SYNE1: variants seen among roughly 807,000 people sequenced by gnomAD.
SYNE1 encodes the protein spectrin repeat containing nuclear envelope protein 1.
In SYNE1, 616 loss-of-function variants were observed where a neutral mutation model predicts 1,111.0. The observed-to-expected ratio is 0.55, with a 90% CI of 0.52 to 0.59. The LOEUF (loss-of-function observed/expected upper bound fraction) is 0.59. Among genes scored for constraint, SYNE1 ranks in the 20% least tolerant of loss-of-function variants. SYNE1 has a pLI of 0.00. For synonymous variants in SYNE1, 3,855 were observed against 3,825.8 expected (o/e 1.01, Z -0.28); for missense variants, 10,006 against 10,417.0 (o/e 0.96, Z 1.72).
At chr6:152,365,081 A>T in intron 62 of SYNE1, 62 bp from the exon 63 acceptor site, 1 of 1,589,394 alleles carries the variant, frequency 6.3e-7, no homozygotes. Context: ...GGCTTTAAAT[A>T]TTGCAGAGCT....
intron 3 of SYNE1, among the ~76,000 whole-genome samples, chr6:152,553,825 T>C (rs1311442551): frequency 2.0e-5 from 3 of 152,178 alleles, no homozygotes; most frequent in Admixed American, 1.3e-4. Flanking sequence ...TTTTAGCATG[T>C]GCTCTCAAGA....
At chr6:152,334,847 C>T (rs976980252) in intron 76 of SYNE1, among the ~76,000 whole-genome samples, 25 of 152,136 alleles carry the variant, frequency 1.6e-4, no homozygotes, top group African/African-American at 6.0e-4. Flanking sequence ...CTCATTTTAC[C>T]CAGCCCCTAT....
intron 95 of SYNE1, among the ~76,000 whole-genome samples, chr6:152,292,840 A>G (rs1282061400): frequency 6.6e-6 from 1 of 152,126 alleles, no homozygotes; most frequent in African/African-American, 2.4e-5. Flanking sequence ...TTCCTACCTC[A>G]CGGTGATGAA....
Position 152,387,227 on chromosome 6 carries a change from A to C in SYNE1, c.8332T>G (p.Ser2778Ala). The change falls in exon 54 of 146, where the codon TCC (serine) becomes GCC (alanine). Residue 2778 changes from serine (S) to alanine (A), a missense_variant. Physicochemically the swap from Ser to Ala is moderately conservative, Grantham distance 99. Transcript: ENST00000367255. ...TGATCTTCTGCCTCAGACAGGATGG[A>C]CTGGAGGTGGTCAAGCAGGACGAAC... ...EKFVLLDHLQSILSEAEDHTR... is the reference protein window; with the variant it reads ...EKFVLLDHLQAILSEAEDHTR... 9.9e-6 allele frequency: 16 copies of C among 1,614,122 alleles called. No homozygotes were observed. Among genetic ancestry groups the C allele is most frequent in the Non-Finnish European group, 1.4e-5 (16 of 1,180,010 alleles).
At chr6:152,217,565 A>G (rs1006287771) in intron 121 of SYNE1, among the ~76,000 whole-genome samples, 2 of 152,122 alleles carry the variant, frequency 1.3e-5, no homozygotes, top group Non-Finnish European at 2.9e-5. Flanking sequence ...GACAGCCAGG[A>G]GGAGGGGAGG....
chr6:152,568,205 C>A (rs1418373675), intron 3 of SYNE1, among the ~76,000 whole-genome samples: 1 of 150,152 alleles, frequency 6.7e-6, no homozygotes, highest in South Asian at 2.1e-4. Flanking sequence ...AATACATATC[C>A]AACATATTAT....
chr6:152,570,914 C>T (rs892707911), intron 3 of SYNE1, among the ~76,000 whole-genome samples: 7 of 152,058 alleles, frequency 4.6e-5, no homozygotes, highest in African/African-American at 1.7e-4. Flanking sequence ...CTAAAGGCAG[C>T]CAGATGCGGA....
At chr6:152,383,226 A>G (rs2097457508) in intron 55 of SYNE1, among the ~76,000 whole-genome samples, 1 of 152,188 alleles carries the variant, frequency 6.6e-6, no homozygotes, top group African/African-American at 2.4e-5. Context: ...TTATGGAAGC[A>G]CTTTATAAAG....
intron 127 of SYNE1, among the ~76,000 whole-genome samples, chr6:152,190,537 A>G (rs2071957685): frequency 6.6e-6 from 1 of 152,226 alleles, no homozygotes; most frequent in South Asian, 2.1e-4. Context: ...AGCAAAGTAA[A>G]TATGGTATTC....
In SYNE1 at chr6:152,155,948, C is replaced by G; in HGVS notation, c.23940G>C (p.Trp7980Cys). 1 of 1,614,184 alleles carries G rather than the reference C, an allele frequency of 6.2e-7. No homozygotes were observed. The highest frequency in any genetic ancestry group is 8.5e-7 in the Non-Finnish European group (1 of 1,180,036). ...QQATRNLDRR[W>C]RNICAMSMER... ...CCATGGACATAGCACAAATGTTTCT[C>G]CACCGCCGGTCCAGGTTTCTCGTAG... Residue 7980 changes from tryptophan (W) to cysteine (C), a missense_variant, in exon 132 of 146, where the codon TGG (tryptophan) becomes TGC (cysteine). Physicochemically the swap from Trp to Cys is radical, Grantham distance 215 (BLOSUM62 -2). This residue lies in a region of SYNE1 where 2,182 missense variants were observed against 2,287.8 expected (regional missense o/e 0.95). Transcript: ENST00000367255.
At chr6:152,273,186 A>G in intron 98 of SYNE1, among the ~76,000 whole-genome samples, 1 of 152,244 alleles carries the variant, frequency 6.6e-6, no homozygotes, top group Non-Finnish European at 1.5e-5. Flanking sequence ...CTCAGTTTAA[A>G]GAATTCCCGT....
chr6:152,311,974 C>CG (rs1230302348), intron 87 of SYNE1, among the ~76,000 whole-genome samples: 2 of 152,030 alleles, frequency 1.3e-5, no homozygotes, highest in Non-Finnish European at 2.9e-5. Context: ...TTAGCAGAGA[C>CG]GGGGTTTCAT....
At chr6:152,161,916 G>C (rs1289851656) in intron 131 of SYNE1, among the ~76,000 whole-genome samples, 1 of 152,182 alleles carries the variant, frequency 6.6e-6, no homozygotes, top group African/African-American at 2.4e-5. Flanking sequence ...GCCAAGCTGG[G>C]GAAGCGGGCT....
intron 42 of SYNE1, among the ~76,000 whole-genome samples, chr6:152,413,093 C>T (rs1001630888): frequency 7.2e-5 from 11 of 152,164 alleles, no homozygotes; most frequent in African/African-American, 2.2e-4. Flanking sequence ...TCAGGTGATT[C>T]GCCTGCCTTG....
chr6:152,337,478 A>G (rs1223977538), intron 75 of SYNE1, among the ~76,000 whole-genome samples: 1 of 152,154 alleles, frequency 6.6e-6, no homozygotes, highest in Non-Finnish European at 1.5e-5. Flanking sequence ...TAGTAGAGAC[A>G]GGGTTTCTCT....
At chr6:152,138,205 T>A (rs183735840) in intron 140 of SYNE1, among the ~76,000 whole-genome samples, 1 of 152,244 alleles carries the variant, frequency 6.6e-6, no homozygotes, top group Admixed American at 6.5e-5. Flanking sequence ...TTGTTTGAAG[T>A]TTTCTGTTTG....
At chr6:152,252,822 A>C (rs1445841505) in intron 104 of SYNE1, among the ~76,000 whole-genome samples, 1 of 152,228 alleles carries the variant, frequency 6.6e-6, no homozygotes, top group Non-Finnish European at 1.5e-5. Flanking sequence ...AAAATAGAGA[A>C]CGTGATTTAA....
intron 93 of SYNE1, among the ~76,000 whole-genome samples, chr6:152,295,599 A>T (rs1485354217): frequency 6.6e-6 from 1 of 151,734 alleles, no homozygotes; most frequent in African/African-American, 2.4e-5. Context: ...TCATTTATGC[A>T]TGTGTGTGTG....
Position 152,218,248 on chromosome 6 carries a change from C to T in SYNE1, c.22191+9G>A, listed in dbSNP as rs1401435020. On this transcript the variant is annotated intron_variant, in intron 121 of 145. Transcript: ENST00000367255. Reference sequence around the variant, plus strand: ...AAAAGATCTGGGACTCAGATTTGAACACACTTACCTTAAGTTCTTCCATCC... The same window carrying T: ...AAAAGATCTGGGACTCAGATTTGAATACACTTACCTTAAGTTCTTCCATCC... 1 of 1,613,594 alleles carries T rather than the reference C, an allele frequency of 6.2e-7. No homozygotes were observed. The highest frequency in any genetic ancestry group is 2.2e-5 in the East Asian group (1 of 44,834).
Sources: gnomAD v4.1 joint callset for allele counts (sites outside exome capture counted in the v4.1 genomes callset) on GRCh38, gnomAD v4.1.1 for gene constraint, gnomAD v4.1.1 regional missense constraint, MANE v1.5 for transcripts, NCBI Gene and HGNC (gene_info 2026-07-23, HGNC 2026-07-21) for gene names.